NPSR1: variants seen among roughly 807,000 people sequenced by gnomAD.
NPSR1 encodes the protein neuropeptide S receptor.
A neutral mutation model predicts 46.9 loss-of-function variants in NPSR1; 48 were observed. The observed-to-expected ratio is 1.02, with a 90% CI of 0.81 to 1.30. The LOEUF (loss-of-function observed/expected upper bound fraction) is 1.30, where lower values mean the gene tolerates loss of function less well. Among genes scored for constraint, NPSR1 ranks in the 50% most tolerant of loss-of-function variants. NPSR1 has a pLI of 0.00. For missense variants in NPSR1, 450 were observed against 449.5 expected (o/e 1.00, Z -0.01); for synonymous variants, 176 against 168.1 (o/e 1.05, Z -0.36).
At chr7:34,803,541 G>A (rs1472390153) in intron 3 of NPSR1, among the ~76,000 whole-genome samples, 2 of 151,900 alleles carry the variant, frequency 1.3e-5, no homozygotes, top group East Asian at 3.9e-4. Context: ...CACAGGAAGG[G>A]GAACATCACA....
chr7:34,724,907 G>C (rs78190991), intron 2 of NPSR1, among the ~76,000 whole-genome samples: 145 of 152,224 alleles, frequency 9.5e-4, no homozygotes, highest in African/African-American at 3.2e-3. Context: ...CATTTTGTTG[G>C]AAAAGAGTGA....
At chr7:34,680,573 C>T (rs1443112120) in intron 1 of NPSR1, among the ~76,000 whole-genome samples, 1 of 152,106 alleles carries the variant, frequency 6.6e-6, no homozygotes, top group Non-Finnish European at 1.5e-5. Context: ...GTACGGTACC[C>T]TATAGCATTG....
intron 3 of NPSR1, among the ~76,000 whole-genome samples, chr7:34,790,740 AT>A (rs1787720952): frequency 1.7e-5 from 2 of 118,722 alleles, no homozygotes; most frequent in Non-Finnish European, 3.3e-5. Context: ...GTTATATGTT[AT>A]ATATAATATA....
chr7:34,812,420 C>A (rs1041526911), intron 4 of NPSR1, among the ~76,000 whole-genome samples: 3 of 152,188 alleles, frequency 2.0e-5, no homozygotes, highest in Non-Finnish European at 2.9e-5. Context: ...TGAGACCACA[C>A]AGCCCACAAA....
intron 3 of NPSR1, among the ~76,000 whole-genome samples, chr7:34,797,433 G>A (rs769462284): frequency 2.0e-5 from 3 of 152,024 alleles, no homozygotes; most frequent in Admixed American, 6.6e-5. Context: ...GGGGACAGGG[G>A]GTTTATGGGA....
intron 2 of NPSR1, among the ~76,000 whole-genome samples, chr7:34,713,898 A>C (rs1783423997): frequency 6.6e-6 from 1 of 152,268 alleles, no homozygotes; most frequent in Non-Finnish European, 1.5e-5. Flanking sequence ...AACATCATTC[A>C]CATGAACATG....
In NPSR1 at chr7:34,834,910, C is replaced by T. The variant is rs568826427; in HGVS notation, c.757+450C>T. Among the ~76,000 whole-genome samples, 199 of 152,346 alleles carry T rather than the reference C, an allele frequency of 1.3e-3. 1 individual carries two copies. The highest frequency in any genetic ancestry group is 4.5e-3 in the African/African-American group (189 of 41,584). ...CATAGAACAATCTTGGACCCTTAGC[C>T]AGTAAAGGCACGGTAGTCCATGCTT... On this transcript the variant is annotated intron_variant, in intron 6 of 8. Coordinates refer to ENST00000360581, the MANE Select transcript of NPSR1 (RefSeq NM_207172.2).
chr7:34,849,948 C>A lies in NPSR1; in HGVS notation c.*293C>A, dbSNP rs961521072. 1 of 1,156,272 alleles carries A rather than the reference C, an allele frequency of 8.6e-7. No homozygotes were observed. Among genetic ancestry groups the A allele is most frequent in the East Asian group, 4.9e-5 (1 of 20,512 alleles). 71.6% of individuals were successfully genotyped at this position (1,156,272 alleles called of 1,614,324 possible). On this transcript the variant is annotated 3_prime_UTR_variant, in exon 9 of 9. Coordinates refer to ENST00000360581, the MANE Select transcript of NPSR1 (RefSeq NM_207172.2). ...CCAGTGAACACAGGCATTAGTGGTC[C>A]AGGGTCCTGGCTTGGAGCCAGTGAG...
rs959499226 is a variant in NPSR1 at position 34,712,879 on chromosome 7, T to C, written c.280+28195T>C. Among the ~76,000 whole-genome samples the C allele has an allele frequency of 3.9e-5, 6 of 152,332 alleles. No individual in the cohort carries two copies. The South Asian group carries it at 6.2e-4, about 16-fold the overall frequency. ...CTTGCCCTGATAGCCACGTGCTCAT[T>C]TGGGTATCCATCAAAAGACTACATT... On this transcript the variant is annotated intron_variant, in intron 2 of 8. Transcript: ENST00000360581.
chr7:34,702,095 C>A (rs763882776), intron 2 of NPSR1, among the ~76,000 whole-genome samples: 10 of 152,156 alleles, frequency 6.6e-5, no homozygotes, highest in Non-Finnish European at 1.2e-4. Context: ...CTCTGTATTT[C>A]TACTGTATTA....
chr7:34,691,596 C>G (rs573775050), intron 2 of NPSR1, among the ~76,000 whole-genome samples: 1 of 151,924 alleles, frequency 6.6e-6, no homozygotes, highest in Non-Finnish European at 1.5e-5. Flanking sequence ...ATCAAACCAC[C>G]AACAATAAAA....
intron 2 of NPSR1, among the ~76,000 whole-genome samples, chr7:34,693,041 G>A (rs1466786232): frequency 6.6e-6 from 1 of 152,158 alleles, no homozygotes; most frequent in Non-Finnish European, 1.5e-5. Context: ...TCATGATAGT[G>A]AATGAGCTTT....
intron 8 of NPSR1, chr7:34,871,574 ACCATCAG>A (rs746972312): frequency 6.6e-5 from 10 of 151,724 alleles, no homozygotes; most frequent in Non-Finnish European, 1.5e-4. Flanking sequence ...TTCTCCTTCC[ACCATCAG>A]CCTGTAAAAT....
intron 2 of NPSR1, among the ~76,000 whole-genome samples, chr7:34,738,846 C>T (rs1298702750): frequency 1.3e-5 from 2 of 152,098 alleles, no homozygotes; most frequent in Admixed American, 6.5e-5. Context: ...CTATCTAGCT[C>T]CAAAACCCAA....
chr7:34,748,131 T>C (rs1237017563), intron 2 of NPSR1, among the ~76,000 whole-genome samples: 1 of 152,232 alleles, frequency 6.6e-6, no homozygotes, highest in Non-Finnish European at 1.5e-5. Flanking sequence ...TATGCTTTCA[T>C]ATAGGCATCA....
In NPSR1 at chr7:34,834,406, C is replaced by T. The variant is rs751628759; in HGVS notation, c.703C>T (p.Arg235Ter). 9 of 1,613,428 alleles carry T rather than the reference C, an allele frequency of 5.6e-6. No individual in the cohort carries two copies. Among genetic ancestry groups the T allele is most frequent in the Admixed American group, 1.7e-5 (1 of 60,016 alleles). ...IISIMYGIVI[R>*]TIWIKSKTYE... ...CAGCATCATGTATGGCATTGTGATC[C>T]GAACTATTTGGATTAAAAGCAAAAC... Residue 235 changes from arginine (R) to a stop codon, truncating the protein, a stop_gained, in exon 6 of 9, where the codon CGA (arginine) becomes TGA (stop). Coordinates refer to ENST00000360581, the MANE Select transcript of NPSR1 (RefSeq NM_207172.2). LOFTEE classifies it high-confidence loss of function.
At chr7:34,691,949 C>T (rs1793283549) in intron 2 of NPSR1, among the ~76,000 whole-genome samples, 1 of 151,960 alleles carries the variant, frequency 6.6e-6, no homozygotes, top group South Asian at 2.1e-4. Context: ...GACCCAATTC[C>T]ACAAAATAAA....
At chr7:34,757,990 G>A (rs1174350570) in intron 2 of NPSR1, 1 of 152,700 alleles carries the variant, frequency 6.5e-6, no homozygotes, top group Non-Finnish European at 1.5e-5. Context: ...GAGTGGTGAA[G>A]AGAGCATTCA....
At chr7:34,771,258 G>T (rs927347659) in intron 2 of NPSR1, among the ~76,000 whole-genome samples, 2 of 152,222 alleles carry the variant, frequency 1.3e-5, no homozygotes, top group African/African-American at 2.4e-5. Flanking sequence ...AACATAGTGA[G>T]ATCCCGTCTC....
Sources: allele counts gnomAD v4.1 joint callset (sites outside exome capture counted in the v4.1 genomes callset), GRCh38; gene constraint gnomAD v4.1.1; transcripts MANE v1.5; gene names NCBI Gene and HGNC (gene_info 2026-07-23, HGNC 2026-07-21).